DGKB: variants seen among roughly 807,000 people sequenced by gnomAD.
DGKB encodes the protein diacylglycerol kinase beta.
A neutral mutation model predicts 114.3 loss-of-function variants in DGKB; 67 were observed. That is an observed-to-expected ratio of 0.59 (90% CI 0.48 to 0.72). The LOEUF (loss-of-function observed/expected upper bound fraction) is 0.72, where lower values mean the gene tolerates loss of function less well. DGKB is among the 30% of genes least tolerant of loss of function. The pLI, the probability that DGKB is intolerant of heterozygous loss-of-function variation, is 0.00. For synonymous variants in DGKB, 398 were observed against 323.1 expected, an observed-to-expected ratio of 1.23 and a Z score of -2.49; for missense variants, 907 against 975.2, an observed-to-expected ratio of 0.93 and a Z score of 0.93.
intron 23 of DGKB, among the ~76,000 whole-genome samples, chr7:14,209,894 G>A (rs1360606107): frequency 1.8e-5 from 2 of 110,460 alleles, no homozygotes; most frequent in Middle Eastern, 3.7e-3. Flanking sequence ...CCCTATGGCT[G>A]TCTTTTTTTT....
chr7:14,883,007 A>G (rs1362047016), intron 1 of DGKB, among the ~76,000 whole-genome samples: 1 of 151,894 alleles, frequency 6.6e-6, no homozygotes, highest in African/African-American at 2.4e-5. Context: ...GCTATCTGAG[A>G]GTAGGGTAAA....
intron 2 of DGKB, among the ~76,000 whole-genome samples, chr7:14,781,005 C>T (rs911936382): frequency 2.0e-5 from 3 of 152,148 alleles, no homozygotes; most frequent in African/African-American, 7.2e-5. Context: ...TTTGATGTTT[C>T]TCTTCCTGGC....
chr7:14,538,921 A>G (rs1310506782), intron 20 of DGKB, among the ~76,000 whole-genome samples: 1 of 152,156 alleles, frequency 6.6e-6, no homozygotes, highest in African/African-American at 2.4e-5. Context: ...GATGCATCTG[A>G]AACAGTCTCA....
chr7:14,272,373 T>C (rs980860614), intron 23 of DGKB, among the ~76,000 whole-genome samples: 2 of 152,182 alleles, frequency 1.3e-5, no homozygotes, highest in African/African-American at 2.4e-5. Flanking sequence ...GCAATACATA[T>C]ACGTAAAATT....
At chr7:14,615,289 C>A (rs1806306855) in intron 15 of DGKB, among the ~76,000 whole-genome samples, 1 of 151,860 alleles carries the variant, frequency 6.6e-6, no homozygotes, top group Non-Finnish European at 1.5e-5. Context: ...AGTCAACATT[C>A]ATTTTATAAC....
chr7:14,313,970 C>G (rs892479721), intron 23 of DGKB, among the ~76,000 whole-genome samples: 11 of 152,194 alleles, frequency 7.2e-5, no homozygotes, highest in African/African-American at 2.4e-4. Flanking sequence ...GTGGGTCCCT[C>G]ACCCCTGACC....
chr7:14,646,251 G>A (rs1456772891), intron 13 of DGKB, among the ~76,000 whole-genome samples: 1 of 152,014 alleles, frequency 6.6e-6, no homozygotes, highest in Non-Finnish European at 1.5e-5. Flanking sequence ...TAGACTTTAA[G>A]TCAAAAAACA....
chr7:14,222,202 T>C (rs1584542019), intron 23 of DGKB, among the ~76,000 whole-genome samples: 1 of 150,980 alleles, frequency 6.6e-6, no homozygotes, highest in South Asian at 2.1e-4. Context: ...TCAGGCTTAG[T>C]GTGCTCTTCT....
chr7:14,322,619 A>T (rs2128539619), intron 23 of DGKB, among the ~76,000 whole-genome samples: 1 of 152,306 alleles, frequency 6.6e-6, no homozygotes, highest in Admixed American at 6.5e-5. Flanking sequence ...ATTGGACTTT[A>T]ATAAAATTAA....
At chr7:14,624,316 A>AG (rs1808188779) in intron 14 of DGKB, among the ~76,000 whole-genome samples, 1 of 152,204 alleles carries the variant, frequency 6.6e-6, no homozygotes, top group South Asian at 2.1e-4. Context: ...CTGCAATGTG[A>AG]AAGATATACC....
At chr7:14,902,423 T>C (rs1169470827) in intron 1 of DGKB, among the ~76,000 whole-genome samples, 169 bp downstream of exon 1, 1 of 152,180 alleles carries the variant, frequency 6.6e-6, no homozygotes, top group East Asian at 1.9e-4. Context: ...GCACCCCTAC[T>C]ATAGCATAAC....
At chr7:14,530,989 T>A (rs1563419135) in intron 20 of DGKB, among the ~76,000 whole-genome samples, 1 of 151,582 alleles carries the variant, frequency 6.6e-6, no homozygotes, top group South Asian at 2.1e-4. Flanking sequence ...ATGATAACTT[T>A]AGACCATTTA....
At chr7:14,214,710 A>G (rs2128313205) in intron 23 of DGKB, among the ~76,000 whole-genome samples, 1 of 152,258 alleles carries the variant, frequency 6.6e-6, no homozygotes, top group Non-Finnish European at 1.5e-5. Context: ...TCAAAAGGAA[A>G]AGTTTAGGAA....
chr7:14,148,133 G>A lies in DGKB; in HGVS notation c.*998C>T, dbSNP rs1028894801. The A allele has an allele frequency of 2.0e-5, 3 of 152,424 alleles. No individual in the cohort carries two copies. Among genetic ancestry groups the A allele is most frequent in the African/African-American group, 7.2e-5 (3 of 41,414 alleles). The allele number at this position is 152,424 out of a possible 1,614,324, so 9.4% of individuals were successfully genotyped here. On this transcript the variant is annotated 3_prime_UTR_variant, in exon 26 of 26. Coordinates refer to ENST00000402815, the MANE Select transcript of DGKB (RefSeq NM_001350709.2). Reference sequence around the variant, plus strand: ...AGCAAGAAATCATCTATTGAGCTTTGATTGTGTTGTCTGGCTTATTGTCTG... The same window carrying A: ...AGCAAGAAATCATCTATTGAGCTTTAATTGTGTTGTCTGGCTTATTGTCTG...
intron 1 of DGKB, among the ~76,000 whole-genome samples, chr7:14,852,487 C>CAAAAAAAAACAAACAAAAA (rs1554304221): frequency 0.016 from 999 of 63,600 alleles, 89 homozygotes; most frequent in African/African-American, 0.063. Context: ...TAGTGAAAGT[C>CAAAAAAAAACAAACAAAAA]AAAAAAAAAA....
At chr7:14,706,246 A>C (rs1217780799) in intron 6 of DGKB, among the ~76,000 whole-genome samples, 3 of 146,888 alleles carry the variant, frequency 2.0e-5, no homozygotes, top group Non-Finnish European at 4.5e-5. Context: ...TAAAGGGATC[A>C]ATTCAACAAG....
At chr7:14,758,457 A>G (rs1835204735) in intron 2 of DGKB, among the ~76,000 whole-genome samples, 1 of 152,098 alleles carries the variant, frequency 6.6e-6, no homozygotes, top group Non-Finnish European at 1.5e-5. Context: ...TGATTTAGAA[A>G]TCTCAGAATT....
chr7:14,866,990 A>G (rs576056740), intron 1 of DGKB, among the ~76,000 whole-genome samples: 1 of 152,322 alleles, frequency 6.6e-6, no homozygotes, highest in Non-Finnish European at 1.5e-5. Flanking sequence ...ATGAGGTAGA[A>G]CATCTTTTCA....
chr7:14,952,352 T>C (rs1238576590), intron 1 of DGKB, among the ~76,000 whole-genome samples: 2 of 152,010 alleles, frequency 1.3e-5, no homozygotes, highest in Non-Finnish European at 2.9e-5. Context: ...AGCAAACTGA[T>C]ATAACATCGC....
Sources: gnomAD v4.1 joint callset for allele counts (sites outside exome capture counted in the v4.1 genomes callset) on GRCh38, gnomAD v4.1.1 for gene constraint, MANE v1.5 for transcripts, NCBI Gene and HGNC (gene_info 2026-07-23, HGNC 2026-07-21) for gene names.